The following IGF2BP2 variants were observed in gnomAD, a reference collection of about 807,000 sequenced individuals.
IGF2BP2 encodes insulin like growth factor 2 mRNA binding protein 2.
IGF2BP2 carries 17 observed loss-of-function variants against 75.8 expected under a neutral mutation model. The observed-to-expected ratio is 0.22, with a 90% confidence interval of 0.15 to 0.34. The LOEUF is 0.34. Among genes scored for constraint, IGF2BP2 ranks in the 10% least tolerant of loss-of-function variants. IGF2BP2 has a pLI of 1.00. For synonymous variants in IGF2BP2, 288 were observed against 295.6 expected, an observed-to-expected ratio of 0.97 and a Z score of 0.26; for missense variants, 516 against 772.4, an observed-to-expected ratio of 0.67 and a Z score of 3.93.
At chr3:185,788,757 C>G (rs1009478903) in intron 2 of IGF2BP2, among the ~76,000 whole-genome samples, 11 of 142,872 alleles carry the variant, frequency 7.7e-5, no homozygotes, top group Admixed American at 5.7e-4. Flanking sequence ...TCACTCTGCC[C>G]AGGCTGGAGC....
chr3:185,704,697 A>C (rs1723768693), intron 2 of IGF2BP2, among the ~76,000 whole-genome samples: 1 of 152,062 alleles, frequency 6.6e-6, no homozygotes, highest in Non-Finnish European at 1.5e-5. Context: ...CAATCAGCCC[A>C]CCTTGTCCTC....
At chr3:185,798,358 T>C (rs1316218364) in intron 2 of IGF2BP2, among the ~76,000 whole-genome samples, 3 of 152,332 alleles carry the variant, frequency 2.0e-5, no homozygotes, top group Non-Finnish European at 1.5e-5. Context: ...TCCTTCAACA[T>C]TTTTAGAGAC....
chr3:185,699,535 C>T (rs1723017299), intron 2 of IGF2BP2, among the ~76,000 whole-genome samples: 1 of 152,150 alleles, frequency 6.6e-6, no homozygotes, highest in Non-Finnish European at 1.5e-5. Context: ...GTCTCACCAC[C>T]CCCTCTTTCA....
At position 185,677,695 on chromosome 3, in the gene IGF2BP2, CACAG is replaced by C. The variant is rs944952999; in HGVS notation, c.813-1786_813-1783del. Among the ~76,000 whole-genome samples, 3 of 152,046 alleles carry C rather than the reference CACAG, an allele frequency of 2.0e-5. No homozygotes were observed. The South Asian group carries it at 6.2e-4, about 32-fold the overall frequency. On this transcript the variant is annotated intron_variant, in intron 7 of 15. Coordinates refer to ENST00000382199, the MANE Select transcript of IGF2BP2 (RefSeq NM_006548.6). ...AGATGCTCAATGAACTAAACAAGAA[CACAG>C]ACAGACAACTAAATAAAGTCAGAAA...
chr3:185,663,803 T>C (rs769693188), intron 10 of IGF2BP2, among the ~76,000 whole-genome samples: 1 of 152,248 alleles, frequency 6.6e-6, no homozygotes, highest in East Asian at 1.9e-4. Flanking sequence ...ATTACAATGA[T>C]TGATTTGCAT....
At chr3:185,812,368 C>A (rs774684160) in intron 2 of IGF2BP2, among the ~76,000 whole-genome samples, 4 of 152,234 alleles carry the variant, frequency 2.6e-5, no homozygotes, top group Non-Finnish European at 5.9e-5. Context: ...GGCCAAGGAG[C>A]TCCCTGGAAA....
chr3:185,761,416 A>G (rs1732351168), intron 2 of IGF2BP2, among the ~76,000 whole-genome samples: 1 of 152,238 alleles, frequency 6.6e-6, no homozygotes, highest in Non-Finnish European at 1.5e-5. Context: ...TGATGCCTCC[A>G]TTAATATTAC....
chr3:185,697,491 G>A (rs1722744370), intron 3 of IGF2BP2, among the ~76,000 whole-genome samples: 1 of 152,046 alleles, frequency 6.6e-6, no homozygotes, highest in Non-Finnish European at 1.5e-5. Flanking sequence ...TTCTTTGGGT[G>A]GGGAATAAAA....
chr3:185,801,236 T>C (rs1321410062), intron 2 of IGF2BP2, among the ~76,000 whole-genome samples: 2 of 152,272 alleles, frequency 1.3e-5, no homozygotes, highest in East Asian at 1.9e-4. Flanking sequence ...ACGCCAGTAA[T>C]CCCAGCACTT....
intron 2 of IGF2BP2, among the ~76,000 whole-genome samples, chr3:185,787,582 A>C (rs1736072615): frequency 6.6e-6 from 1 of 152,086 alleles, no homozygotes; most frequent in Non-Finnish European, 1.5e-5. Context: ...AAGATACAAA[A>C]ATTAGCTGGG....
chr3:185,704,560 C>T (rs1257600704), intron 2 of IGF2BP2, among the ~76,000 whole-genome samples: 1 of 152,188 alleles, frequency 6.6e-6, no homozygotes, highest in Non-Finnish European at 1.5e-5. Flanking sequence ...AGTGACCCTC[C>T]CACCTCAGCT....
intron 2 of IGF2BP2, among the ~76,000 whole-genome samples, chr3:185,734,471 T>TCATC (rs34663009): frequency 0.16 from 24,910 of 152,058 alleles, 2,587 homozygotes; most frequent in Non-Finnish European, 0.23. Context: ...GCGTCTCTGT[T>TCATC]CATCCATTCT....
At chr3:185,767,850 AAAGT>A (rs1402193552) in intron 2 of IGF2BP2, 1 of 154,116 alleles carries the variant, frequency 6.5e-6, no homozygotes, top group African/African-American at 2.4e-5. Context: ...GGTTAATGCA[AAAGT>A]AATTGCAGTT....
intron 2 of IGF2BP2, among the ~76,000 whole-genome samples, chr3:185,777,927 C>G (rs1734719559): frequency 6.6e-6 from 1 of 151,852 alleles, no homozygotes; most frequent in African/African-American, 2.4e-5. Context: ...ATCTGTAATC[C>G]CAGCTACTTG....
At chr3:185,793,388 A>C (rs1465137275) in intron 2 of IGF2BP2, among the ~76,000 whole-genome samples, 1 of 152,150 alleles carries the variant, frequency 6.6e-6, no homozygotes, top group Non-Finnish European at 1.5e-5. Flanking sequence ...CACCTAGCCC[A>C]GTAAAATGGT....
At chr3:185,720,317 C>T (rs1726324425) in intron 2 of IGF2BP2, among the ~76,000 whole-genome samples, 1 of 152,142 alleles carries the variant, frequency 6.6e-6, no homozygotes, top group East Asian at 1.9e-4. Flanking sequence ...AATACTCTCA[C>T]CAAAGCCTAT....
At chr3:185,755,441 C>G (rs900695236) in intron 2 of IGF2BP2, among the ~76,000 whole-genome samples, 2 of 152,226 alleles carry the variant, frequency 1.3e-5, no homozygotes, top group Non-Finnish European at 2.9e-5. Context: ...ATAGAGTCCC[C>G]ACCAGGGTAC....
intron 2 of IGF2BP2, among the ~76,000 whole-genome samples, chr3:185,808,085 G>A (rs1471748843): frequency 2.0e-5 from 3 of 148,022 alleles, no homozygotes; most frequent in African/African-American, 5.0e-5. Context: ...TTCGAGTCCA[G>A]CCTGGACAAG....
At chr3:185,648,801 A>G (rs1714056430) in intron 14 of IGF2BP2, among the ~76,000 whole-genome samples, 1 of 152,202 alleles carries the variant, frequency 6.6e-6, no homozygotes, top group Non-Finnish European at 1.5e-5. Flanking sequence ...CTTTCAAAAA[A>G]CAATCTCCTC....
Sources: allele counts gnomAD v4.1 joint callset (sites outside exome capture counted in the v4.1 genomes callset), GRCh38; gene constraint gnomAD v4.1.1; transcripts MANE v1.5; gene names NCBI Gene and HGNC (gene_info 2026-07-23, HGNC 2026-07-21).